MYC: variants seen among roughly 807,000 people sequenced by gnomAD.
MYC encodes MYC proto-oncogene, bHLH transcription factor.
Under a neutral mutation model 30.5 loss-of-function variants are expected in MYC, and 1 was observed. The ratio of observed to expected loss-of-function variants is 0.03; its 90% CI spans 0.01 to 0.16. The LOEUF is 0.16. Ranked by LOEUF, MYC falls within the 10% of genes least tolerant of loss-of-function variation. The pLI is 1.00. For missense variants in MYC, 508 were observed against 589.0 expected (o/e 0.86, Z 1.42); for synonymous variants, 267 against 250.7 (o/e 1.07, Z -0.62).
upstream of MYC, chr8:127,735,973 T>C (rs1472285521): frequency 2.1e-5 from 3 of 142,076 alleles, no homozygotes; most frequent in Non-Finnish European, 4.6e-5. Context: ...CCTCCCGGGT[T>C]CCCAAAGCAG....
upstream of MYC, chr8:127,735,961 CCCCT>C (rs1402758867): frequency 3.1e-6 from 1 of 323,162 alleles, no homozygotes; most frequent in Non-Finnish European, 5.5e-6. Flanking sequence ...CCCATAAGCG[CCCCT>C]CCCGGGTTCC....
chr8:127,735,496 C>T, upstream of MYC: 1 of 399,400 alleles, frequency 2.5e-6, no homozygotes, highest in Non-Finnish European at 4.4e-6. Context: ...TTATTTTAAT[C>T]ATTCTAGGCA....
intron 1 of MYC, among the ~76,000 whole-genome samples, chr8:127,737,159 T>C (rs1422711875): frequency 6.6e-6 from 1 of 152,274 alleles, no homozygotes; most frequent in African/African-American, 2.4e-5. Context: ...CGCCCGCCTG[T>C]CCCCGCGGCG....
At position 127,738,160 on chromosome 8, in the gene MYC, T is replaced by G. The variant is rs1037529112; in HGVS notation, c.31-88T>G. 6.2e-6 allele frequency: 9 copies of G among 1,459,528 alleles called. No homozygotes were observed. Among genetic ancestry groups the G allele is most frequent in the Non-Finnish European group, 8.3e-6 (9 of 1,089,608 alleles). 90.4% of individuals were successfully genotyped at this position (1,459,528 alleles called of 1,614,324 possible). A position where few individuals can be genotyped will look rare whatever the true frequency, so the allele number is the denominator to read the frequency against. ...CTCTGCAAGGGGAGAGGTTCGGGAC[T>G]GTGGCGCGCACTGCGCGCTGCGCCA... is the stretch of plus-strand genomic sequence containing the variant. On this transcript the variant is annotated intron_variant, in intron 1 of 2. Coordinates refer to ENST00000621592, the MANE Select transcript of MYC (RefSeq NM_002467.6). This position sits in a 1 kb window ranked among gnomAD's most constrained non-coding sequence, Gnocchi z 7.6.
Position 127,736,415 on chromosome 8 carries a change from C to A in MYC, c.-179C>A, listed in dbSNP as rs1227781825. ...CCCAGCCAGCGGTCCGCAACCCTTG[C>A]CGCATCCACGAAACTTTGCCCATAG... On this transcript the variant is annotated 5_prime_UTR_variant, in exon 1 of 3. Transcript: ENST00000621592. 5 of 658,844 alleles carry A rather than the reference C, an allele frequency of 7.6e-6. No individual in the cohort carries two copies. Among genetic ancestry groups the A allele is most frequent in the Non-Finnish European group, 1.3e-5 (5 of 382,450 alleles). 40.8% of individuals were successfully genotyped at this position (658,844 alleles called of 1,614,324 possible). A position where few individuals can be genotyped will look rare whatever the true frequency, so the allele number is the denominator to read the frequency against.
At position 127,741,862 on chromosome 8, in the gene MYC, T is replaced by C. The variant is rs1431165657; in HGVS notation, c.*904T>C. On this transcript the variant is annotated 3_prime_UTR_variant, in exon 3 of 3. Transcript: ENST00000621592. ...TGGGGACACGGTGGGAACCAGCTTC[T>C]GCTGCCTTCACAACCAGGCGCCAGT... 1.3e-5 allele frequency among the ~76,000 whole-genome samples: 2 copies of C among 152,214 alleles called. No individual in the cohort carries two copies. Among genetic ancestry groups the C allele is most frequent in the Non-Finnish European group, 2.9e-5 (2 of 68,036 alleles).
In MYC at chr8:127,738,382, G is replaced by T. The variant is rs536993570; in HGVS notation, c.165G>T (p.Leu55=). The T allele has an allele frequency of 6.2e-7, 1 of 1,613,988 alleles. No homozygotes were observed. The highest frequency in any genetic ancestry group is 1.1e-5 in the South Asian group (1 of 91,080). ...ACCAGCAGCAGCAGCAGAGCGAGCT[G>T]CAGCCCCCGGCGCCCAGCGAGGATA... Residue 55 remains leucine, a synonymous_variant, in exon 2 of 3, where the codon CTG becomes CTT. Coordinates refer to ENST00000621592, the MANE Select transcript of MYC (RefSeq NM_002467.6). This position sits in a 1 kb window ranked among gnomAD's most constrained non-coding sequence, Gnocchi z 7.6.
chr8:127,738,525 G>A lies in MYC; in HGVS notation c.308G>A (p.Gly103Asp), dbSNP rs1034655525. Residue 103 changes from glycine to aspartate, a missense_variant, in exon 2 of 3, where the codon GGC (glycine) becomes GAC (aspartate). By Grantham distance (94) the Gly-to-Asp change is moderately conservative. Transcript: ENST00000621592. This position sits in a 1 kb window ranked among gnomAD's most constrained non-coding sequence, Gnocchi z 7.6. ...TTCTCCCTTCGGGGAGACAACGACG[G>A]CGGTGGCGGGAGCTTCTCCACGGCC... The A allele has an allele frequency of 6.2e-7, 1 of 1,611,654 alleles. No individual in the cohort carries two copies.
chr8:127,737,752 C>A (rs1813623942), intron 1 of MYC, among the ~76,000 whole-genome samples: 1 of 152,008 alleles, frequency 6.6e-6, no homozygotes, highest in Non-Finnish European at 1.5e-5. Flanking sequence ...GGTAGGAGAG[C>A]GGCTAGGGCG....
intron 1 of MYC, among the ~76,000 whole-genome samples, chr8:127,737,436 G>C (rs1813612263): frequency 6.6e-6 from 1 of 152,242 alleles, no homozygotes; most frequent in African/African-American, 2.4e-5. Context: ...ACTGCGAGGA[G>C]CGGGGCTCTG....
At position 127,740,995 on chromosome 8, in the gene MYC, G is replaced by T; in HGVS notation, c.*37G>T. ...GAAAACGATTCCTTCTAACAGAAATGTCCTGAGCAATCACCTATGAACTTG... is the reference window on the plus strand; with the variant it reads ...GAAAACGATTCCTTCTAACAGAAATTTCCTGAGCAATCACCTATGAACTTG... On this transcript the variant is annotated 3_prime_UTR_variant, in exon 3 of 3. Transcript: ENST00000621592. 1 of 1,510,760 alleles carries T rather than the reference G, an allele frequency of 6.6e-7. No individual in the cohort carries two copies. Among genetic ancestry groups the T allele is most frequent in the Non-Finnish European group, 8.8e-7 (1 of 1,133,868 alleles). The allele number at this position is 1,510,760 out of a possible 1,614,324, so 93.6% of individuals were successfully genotyped here.
At position 127,738,940 on chromosome 8, in the gene MYC, G is replaced by A. The variant is rs373711147; in HGVS notation, c.723G>A (p.Ser241=). The A allele has an allele frequency of 1.2e-6, 2 of 1,601,352 alleles. No homozygotes were observed. The highest frequency in any genetic ancestry group is 2.2e-5 in the South Asian group (2 of 90,296). Residue 241 remains serine (S), a synonymous_variant, in exon 2 of 3, where the codon TCG becomes TCA. Transcript: ENST00000621592. This position sits in a 1 kb window ranked among gnomAD's most constrained non-coding sequence, Gnocchi z 7.6. ...CGTCCTCGGATTCTCTGCTCTCCTC[G>A]ACGGAGTCCTCCCCGCAGGGCAGCC...
In MYC at chr8:127,736,541, GC is replaced by G; in HGVS notation, c.-51del. On this transcript the variant is annotated 5_prime_UTR_variant, in exon 1 of 3. Transcript: ENST00000621592. Reference sequence around the variant, plus strand: ...TCTGCCCATTTGGGGACACTTCCCCGCCGCTGCCAGGACCCGCTTCTCTGAA... The same window carrying G: ...TCTGCCCATTTGGGGACACTTCCCCGCGCTGCCAGGACCCGCTTCTCTGAA... 6.2e-7 allele frequency: 1 copy of G among 1,608,528 alleles called. No homozygotes were observed.
chr8:127,737,192 T>C (rs1813607646), intron 1 of MYC, among the ~76,000 whole-genome samples: 1 of 152,274 alleles, frequency 6.6e-6, no homozygotes. Flanking sequence ...CCTGATCCTT[T>C]TAAGAAGTTG....
In MYC at chr8:127,741,851, G is replaced by A. The variant is rs1173571178; in HGVS notation, c.*893G>A. ...TGCCCAGTTGATGGGGACACGGTGG[G>A]AACCAGCTTCTGCTGCCTTCACAAC... On this transcript the variant is annotated 3_prime_UTR_variant, in exon 3 of 3. Coordinates refer to ENST00000621592, the MANE Select transcript of MYC (RefSeq NM_002467.6). 6.6e-6 allele frequency among the ~76,000 whole-genome samples: 1 copy of A among 152,162 alleles called. No individual in the cohort carries two copies. The highest frequency in any genetic ancestry group is 2.4e-5 in the African/African-American group (1 of 41,422).
At chr8:127,735,607 T>C (rs564482328), upstream of MYC, 2 of 399,066 alleles carry the variant, frequency 5.0e-6, no homozygotes, top group Admixed American at 4.4e-5. Context: ...CCACTCTCCC[T>C]GGGACTCTTG....
Position 127,738,289 on chromosome 8 carries a change from C to A in MYC, c.72C>A (p.Asn24Lys), listed in dbSNP as rs2130092271. ...TGCCCCTCAACGTTAGCTTCACCAA[C>A]AGGAACTATGACCTCGACTACGACT... The change falls in exon 2 of 3, where the codon AAC becomes AAA. Residue 24 changes from asparagine (N) to lysine (K), a missense_variant. Asn to Lys is a moderately conservative substitution (Grantham distance 94). Coordinates refer to ENST00000621592, the MANE Select transcript of MYC (RefSeq NM_002467.6). The surrounding 1 kb of genome is among the most constrained non-coding windows in gnomAD (Gnocchi z 7.6). 1 of 1,607,484 alleles carries A rather than the reference C, an allele frequency of 6.2e-7. No homozygotes were observed. The highest frequency in any genetic ancestry group is 8.5e-7 in the Non-Finnish European group (1 of 1,175,268).
rs775761084 is a variant in MYC, at chr8:127,736,631, C to T, written c.30+8C>T. 6.2e-7 allele frequency: 1 copy of T among 1,613,924 alleles called. No individual in the cohort carries two copies. Among genetic ancestry groups the T allele is most frequent in the Non-Finnish European group, 8.5e-7 (1 of 1,179,822 alleles). Reference sequence around the variant, plus strand: ...CGGGTAGTGGAAAACCAGGTAAGCACCGAAGTCCACTTGCCTTTTAATTTA... The same window carrying T: ...CGGGTAGTGGAAAACCAGGTAAGCATCGAAGTCCACTTGCCTTTTAATTTA... On this transcript the variant is annotated splice_region_variant and intron_variant, in intron 1 of 2. Coordinates refer to ENST00000621592, the MANE Select transcript of MYC (RefSeq NM_002467.6).
chr8:127,736,656 A>T (rs1554628719), intron 1 of MYC, 33 bp downstream of exon 1: 2 of 1,610,002 alleles, frequency 1.2e-6, no homozygotes, highest in South Asian at 1.1e-5. Context: ...CTTTTAATTT[A>T]TTTTTTTATC....
Sources: gnomAD v4.1 joint callset for allele counts (sites outside exome capture counted in the v4.1 genomes callset) on GRCh38, gnomAD v4.1.1 for gene constraint, Gnocchi (gnomAD v3.1) non-coding constraint, MANE v1.5 for transcripts, NCBI Gene and HGNC (gene_info 2026-07-23, HGNC 2026-07-21) for gene names.